NAV3: variants seen among roughly 807,000 people sequenced by gnomAD.
NAV3 encodes the protein neuron navigator 3, also known as pore membrane and/or filament interacting like protein 1.
NAV3 carries 87 observed loss-of-function variants against 244.7 expected under a neutral mutation model. That is an observed-to-expected ratio of 0.36 (90% CI 0.30 to 0.42). NAV3 has a LOEUF of 0.42. Ranked by LOEUF, NAV3 falls within the 20% of genes least tolerant of loss-of-function variation. The pLI is 1.00. For synonymous variants in NAV3, 1,126 were observed against 1,042.2 expected (o/e 1.08, Z -1.55); for missense variants, 2,663 against 2,893.3 (o/e 0.92, Z 1.83).
chr12:77,824,262 TTTG>T, intron 2 of NAV3, among the ~76,000 whole-genome samples: 1 of 148,838 alleles, frequency 6.7e-6, no homozygotes, highest in South Asian at 2.1e-4. Flanking sequence ...TTTTTTTTTT[TTTG>T]TATTTTTAGT....
chr12:77,661,498 G>T (rs1173504201), intron 2 of NAV3, among the ~76,000 whole-genome samples: 1 of 151,976 alleles, frequency 6.6e-6, no homozygotes, highest in Non-Finnish European at 1.5e-5. Context: ...TCACTCTGTG[G>T]CTTGTCTTTT....
At chr12:78,107,640 G>A (rs1954871948) in intron 12 of NAV3, among the ~76,000 whole-genome samples, 1 of 151,710 alleles carries the variant, frequency 6.6e-6, no homozygotes, top group South Asian at 2.1e-4. Context: ...AAATACTATA[G>A]CCCACAAAAT....
chr12:77,747,260 T>C (rs1027343150), intron 2 of NAV3, among the ~76,000 whole-genome samples: 2 of 152,178 alleles, frequency 1.3e-5, no homozygotes, highest in East Asian at 3.8e-4. Context: ...GTTCATATCC[T>C]TCATCCACTT....
At chr12:77,816,023 T>A (rs2136015098) in intron 2 of NAV3, among the ~76,000 whole-genome samples, 1 of 151,688 alleles carries the variant, frequency 6.6e-6, no homozygotes, top group East Asian at 1.9e-4. Flanking sequence ...AGAACAGGAG[T>A]ACTGGGAAAT....
intron 2 of NAV3, among the ~76,000 whole-genome samples, chr12:77,627,481 C>T (rs1871688235): frequency 6.6e-6 from 1 of 152,076 alleles, no homozygotes; most frequent in Admixed American, 6.6e-5. Context: ...TTACAGGCAA[C>T]TATACCCTAA....
At chr12:77,700,940 TC>T (rs1256377264) in intron 2 of NAV3, among the ~76,000 whole-genome samples, 1 of 6,840 alleles carries the variant, frequency 1.5e-4, no homozygotes, top group African/African-American at 1.7e-4. Flanking sequence ...TATTATAAAC[TC>T]TTTTATATTT....
intron 2 of NAV3, among the ~76,000 whole-genome samples, chr12:77,735,492 C>T (rs1265315599): frequency 6.6e-6 from 1 of 152,072 alleles, no homozygotes; most frequent in Non-Finnish European, 1.5e-5. Context: ...TTAAGCCCTC[C>T]TATAAACAAA....
At chr12:77,708,737 G>A (rs905407592) in intron 2 of NAV3, among the ~76,000 whole-genome samples, 1 of 152,116 alleles carries the variant, frequency 6.6e-6, no homozygotes, top group Non-Finnish European at 1.5e-5. Flanking sequence ...TTATGTTGTT[G>A]AGCAGTGGTT....
intron 2 of NAV3, among the ~76,000 whole-genome samples, chr12:77,622,082 T>G (rs1297792563): frequency 6.6e-6 from 1 of 152,160 alleles, no homozygotes; most frequent in Non-Finnish European, 1.5e-5. Context: ...TTTGTATTAT[T>G]TCATTATACT....
intron 9 of NAV3, among the ~76,000 whole-genome samples, chr12:78,028,282 A>T (rs1878416354): frequency 6.6e-6 from 1 of 152,220 alleles, no homozygotes; most frequent in Admixed American, 6.5e-5. Context: ...TTTCACAATG[A>T]ACTGGCAATT....
intron 2 of NAV3, among the ~76,000 whole-genome samples, chr12:77,589,053 G>A (rs1330168233): frequency 6.6e-6 from 1 of 152,086 alleles, no homozygotes; most frequent in East Asian, 1.9e-4. Flanking sequence ...CAAAGCCAAA[G>A]CAACGTGGAC....
At chr12:77,800,772 CAGTTTTG>C (rs1871663207) in intron 2 of NAV3, among the ~76,000 whole-genome samples, 1 of 152,052 alleles carries the variant, frequency 6.6e-6, no homozygotes, top group Non-Finnish European at 1.5e-5. Flanking sequence ...TTAGGAGATA[CAGTTTTG>C]TAAGATAAAA....
rs1445292889 is a variant in NAV3, at chr12:77,938,232, T to C, written c.244-2087T>C. On this transcript the variant is annotated intron_variant, in intron 1 of 39. Transcript: ENST00000397909. ...GTTAAGAAGGGGAGTGTGCTCAATGTTTTAAATTCTAAACAGTATAAAATC... is the reference window on the plus strand; with the variant it reads ...GTTAAGAAGGGGAGTGTGCTCAATGCTTTAAATTCTAAACAGTATAAAATC... Among the ~76,000 whole-genome samples the C allele has an allele frequency of 3.9e-5, 6 of 152,280 alleles. No individual in the cohort carries two copies. In the East Asian group the frequency reaches 1.2e-3, roughly 29 times the overall value.
chr12:77,972,790 A>G (rs1322303329), intron 5 of NAV3, among the ~76,000 whole-genome samples: 2 of 152,194 alleles, frequency 1.3e-5, no homozygotes, highest in African/African-American at 2.4e-5. Flanking sequence ...TAAAATTCAT[A>G]AAATTCATTT....
At chr12:77,985,618 T>C (rs553639393) in intron 5 of NAV3, among the ~76,000 whole-genome samples, 3 of 152,138 alleles carry the variant, frequency 2.0e-5, no homozygotes, top group Non-Finnish European at 4.4e-5. Context: ...TTTCTTTTCA[T>C]ACACTACACG....
At chr12:77,872,632 G>C (rs1232708781) in intron 1 of NAV3, among the ~76,000 whole-genome samples, 1 of 152,152 alleles carries the variant, frequency 6.6e-6, no homozygotes, top group Non-Finnish European at 1.5e-5. Context: ...ATGTCTAAGA[G>C]AGGCCCAAGT....
At chr12:77,955,800 G>A (rs965269286) in intron 3 of NAV3, among the ~76,000 whole-genome samples, 31 of 152,238 alleles carry the variant, frequency 2.0e-4, no homozygotes, top group Non-Finnish European at 4.4e-4. Flanking sequence ...AGCCCAGGAG[G>A]TGGAGGTTGT....
At chr12:78,099,723 G>T (rs1954445027) in intron 12 of NAV3, among the ~76,000 whole-genome samples, 1 of 151,546 alleles carries the variant, frequency 6.6e-6, no homozygotes, top group Non-Finnish European at 1.5e-5. Context: ...ACCATCATGA[G>T]GATTATTCAA....
rs530206473 is a variant in NAV3, at chr12:77,995,713, A to G, written c.740+842A>G. 3.3e-5 allele frequency among the ~76,000 whole-genome samples: 5 copies of G among 152,274 alleles called. No homozygotes were observed. The East Asian group carries it at 5.8e-4, about 18-fold the overall frequency. On this transcript the variant is annotated intron_variant, in intron 6 of 39. Transcript: ENST00000397909. The stretch of plus-strand genomic sequence containing the variant: ...TCCCCTTGCCTTGGCTTTCTAAGTT[A>G]TATTCATTTCCAGAGTAGCCAAAAT...
Sources: allele counts gnomAD v4.1 joint callset (sites outside exome capture counted in the v4.1 genomes callset), GRCh38; gene constraint gnomAD v4.1.1; transcripts MANE v1.5; gene names NCBI Gene and HGNC (gene_info 2026-07-23, HGNC 2026-07-21).